MEP1A: variants seen among roughly 807,000 people sequenced by gnomAD.
MEP1A encodes the protein meprin A subunit alpha.
A neutral mutation model predicts 84.5 loss-of-function variants in MEP1A; 68 were observed. The ratio of observed to expected loss-of-function variants is 0.80; its 90% CI spans 0.66 to 0.98. The LOEUF (loss-of-function observed/expected upper bound fraction) is 0.98, where lower values mean the gene tolerates loss of function less well. Among genes scored for constraint, MEP1A ranks in the 50% least tolerant of loss-of-function variants. The pLI is 0.00. For synonymous variants in MEP1A, 337 were observed against 336.8 expected, an observed-to-expected ratio of 1.00 and a Z score of -0.01; for missense variants, 887 against 919.9, an observed-to-expected ratio of 0.96 and a Z score of 0.46.
rs1405450026 is a variant in MEP1A, at chr6:46,821,505, A to G, written c.556+1801A>G. ...GTAGAAGGAAGAAGGAAATGGAGTA[A>G]TAGGTCAAAGGACTGAATCTCTGAT... On this transcript the variant is annotated intron_variant, in intron 7 of 13. Transcript: ENST00000230588. 3.3e-5 allele frequency among the ~76,000 whole-genome samples: 5 copies of G among 152,194 alleles called. No individual in the cohort carries two copies. The East Asian group carries it at 5.8e-4, about 18-fold the overall frequency.
At chr6:46,828,596 G>C (rs190397737) in intron 9 of MEP1A, among the ~76,000 whole-genome samples, 27 of 152,324 alleles carry the variant, frequency 1.8e-4, no homozygotes, top group African/African-American at 5.3e-4. Context: ...CTCTTCATAT[G>C]CAAGAATTTT....
chr6:46,828,236 GTTTTT>G (rs373814374), intron 9 of MEP1A, among the ~76,000 whole-genome samples: 1 of 142,646 alleles, frequency 7.0e-6, no homozygotes, highest in Non-Finnish European at 1.5e-5. Flanking sequence ...CTTGTGCGCT[GTTTTT>G]TTTTTTTTTC....
chr6:46,819,480 C>A (rs140440472), intron 6 of MEP1A, 49 bp from the exon 7 acceptor site: 1 of 1,484,684 alleles, frequency 6.7e-7, no homozygotes, highest in Non-Finnish European at 9.1e-7. Flanking sequence ...TGAATGACAG[C>A]CACTTAAAAA....
rs1767057435 is a variant in MEP1A at position 46,796,720 on chromosome 6, C to T, written c.146-1886C>T. ...GATGTACACTTCTTTGGGAGGTTCTCCCTGCCCCCCATGACTCCATCCATT... is the reference window on the plus strand; with the variant it reads ...GATGTACACTTCTTTGGGAGGTTCTTCCTGCCCCCCATGACTCCATCCATT... On this transcript the variant is annotated intron_variant, in intron 3 of 13. Transcript: ENST00000230588. Among the ~76,000 whole-genome samples, 4 of 152,312 alleles carry T rather than the reference C, an allele frequency of 2.6e-5. No individual in the cohort carries two copies. The South Asian group carries it at 8.3e-4, about 32-fold the overall frequency.
rs1768123404 is a variant in MEP1A, at chr6:46,833,393, G to A, written c.1464G>A (p.Val488=). The part of the protein sequence containing the change: ...SSGYLRLAFH[V]CSGENDAILE... ...GTTACTTGAGACTTGCTTTTCATGT[G>A]TGCAGTGGGGAGAACGATGCTATCC... is the stretch of plus-strand genomic sequence containing the variant. Residue 488 remains valine, a synonymous_variant, in exon 11 of 14, where the codon GTG becomes GTA. Coordinates refer to ENST00000230588, the MANE Select transcript of MEP1A (RefSeq NM_005588.3). The A allele has an allele frequency of 6.2e-7, 1 of 1,614,108 alleles. No individual in the cohort carries two copies. The highest frequency in any genetic ancestry group is 1.1e-5 in the South Asian group (1 of 91,094).
At chr6:46,804,008 G>C (rs973953377) in intron 5 of MEP1A, among the ~76,000 whole-genome samples, 1 of 151,458 alleles carries the variant, frequency 6.6e-6, no homozygotes, top group Admixed American at 6.6e-5. Flanking sequence ...CATAAGTCTC[G>C]CACTATAGTG....
At chr6:46,811,307 T>C (rs2150745892) in intron 6 of MEP1A, among the ~76,000 whole-genome samples, 1 of 152,278 alleles carries the variant, frequency 6.6e-6, no homozygotes, top group African/African-American at 2.4e-5. Flanking sequence ...TACTGATTTG[T>C]GTAAATTAAT....
At chr6:46,795,640 C>A (rs1049021766) in intron 3 of MEP1A, among the ~76,000 whole-genome samples, 2 of 152,140 alleles carry the variant, frequency 1.3e-5, no homozygotes, top group Admixed American at 1.3e-4. Flanking sequence ...GACTTTTCAG[C>A]ACTTTTACTG....
rs1768282522 is a variant in MEP1A, at chr6:46,839,168, G to T, written c.*32G>T. The T allele has an allele frequency of 6.3e-7, 1 of 1,597,112 alleles. No homozygotes were observed. The highest frequency in any genetic ancestry group is 1.3e-5 in the African/African-American group (1 of 74,552). On this transcript the variant is annotated 3_prime_UTR_variant, in exon 14 of 14. Transcript: ENST00000230588. Reference sequence around the variant, plus strand: ...TGCTGGCATTGGCCAGACCACAGCAGCACCTCCTCCATGCAGGCCTTAACT... The same window carrying T: ...TGCTGGCATTGGCCAGACCACAGCATCACCTCCTCCATGCAGGCCTTAACT...
At chr6:46,840,697 T>C (rs1768316472), downstream of MEP1A, among the ~76,000 whole-genome samples, 1 of 152,220 alleles carries the variant, frequency 6.6e-6, no homozygotes. Flanking sequence ...TCCACATGAC[T>C]TTACCACTTA....
chr6:46,819,761 A>T, intron 7 of MEP1A, 57 bp downstream of exon 7: 1 of 1,558,674 alleles, frequency 6.4e-7, no homozygotes, highest in Non-Finnish European at 8.8e-7. Flanking sequence ...CAATCCTGAG[A>T]TGACCAAGCC....
intron 6 of MEP1A, among the ~76,000 whole-genome samples, chr6:46,815,949 T>C (rs1217181097): frequency 6.6e-6 from 1 of 152,140 alleles, no homozygotes; most frequent in Non-Finnish European, 1.5e-5. Flanking sequence ...TATTTATTAT[T>C]TTTTTGAGAC....
At position 46,819,556 on chromosome 6, in the gene MEP1A, T is replaced by C. The variant is rs748773321; in HGVS notation, c.408T>C (p.His136=). 1.2e-6 allele frequency: 2 copies of C among 1,613,262 alleles called. No homozygotes were observed. Among genetic ancestry groups the C allele is most frequent in the African/African-American group, 1.3e-5 (1 of 74,890 alleles). The change falls in exon 7 of 14, where the codon CAT becomes CAC. Residue 136 remains histidine (H), a synonymous_variant. Transcript: ENST00000230588. ...GCTGGTCTGAGGTTGGTGACCAACA[T>C]GTGGGACAGAACATTTCCATTGGCC... The part of the protein sequence containing the change: ...DGCWSEVGDQ[H]VGQNISIGQG...
chr6:46,831,143 C>G (rs1397535486), intron 10 of MEP1A, among the ~76,000 whole-genome samples: 1 of 152,082 alleles, frequency 6.6e-6, no homozygotes. Context: ...GTAGTCTGTT[C>G]TGATACTGGT....
chr6:46,804,903 C>T (rs1767280930), intron 5 of MEP1A, among the ~76,000 whole-genome samples: 1 of 151,728 alleles, frequency 6.6e-6, no homozygotes, highest in Non-Finnish European at 1.5e-5. Context: ...AATTTAACCT[C>T]TTCTAGAATT....
chr6:46,839,117 C>A lies in MEP1A; in HGVS notation c.2222C>A (p.Ser741Tyr). The A allele has an allele frequency of 1.9e-6, 3 of 1,612,646 alleles. No homozygotes were observed. The highest frequency in any genetic ancestry group is 2.2e-5 in the South Asian group (2 of 90,976). Residue 741 changes from serine to tyrosine, a missense_variant, in exon 14 of 14, where the codon TCC (serine) becomes TAC (tyrosine). Coordinates refer to ENST00000230588, the MANE Select transcript of MEP1A (RefSeq NM_005588.3). Reference sequence around the variant, plus strand: ...ACCTTCTCCATCATCGCCATCCTTTCCCAAAGGCCAAGGAAGTGACCTGCC... The same window carrying A: ...ACCTTCTCCATCATCGCCATCCTTTACCAAAGGCCAAGGAAGTGACCTGCC... The part of the protein sequence containing the change: ...FLTFSIIAIL[S>Y]QRPRK
At chr6:46,802,008 A>C (rs927037818) in intron 5 of MEP1A, among the ~76,000 whole-genome samples, 5 of 151,950 alleles carry the variant, frequency 3.3e-5, no homozygotes, top group African/African-American at 1.2e-4. Flanking sequence ...CTAGCTTCAC[A>C]GTTAACCTTG....
chr6:46,830,121 G>A (rs529804051), intron 10 of MEP1A, among the ~76,000 whole-genome samples: 28 of 151,798 alleles, frequency 1.8e-4, no homozygotes, highest in African/African-American at 5.3e-4. Context: ...GGTGGCGCGC[G>A]CGCATGTAGT....
At position 46,833,445 on chromosome 6, in the gene MEP1A, G is replaced by A. The variant is rs780184381; in HGVS notation, c.1516G>A (p.Val506Met). 23 of 1,614,022 alleles carry A rather than the reference G, an allele frequency of 1.4e-5. No homozygotes were observed. Among genetic ancestry groups the A allele is most frequent in the Non-Finnish European group, 1.9e-5 (22 of 1,180,026 alleles). The change falls in exon 11 of 14, where the codon GTG (valine) becomes ATG (methionine). Residue 506 changes from valine to methionine, a missense_variant. Coordinates refer to ENST00000230588, the MANE Select transcript of MEP1A (RefSeq NM_005588.3). ...GGAGTGGCCGGTAGAAAACAGACAGGTGATAATTACCATCCTTGACCAGGA... is the reference window on the plus strand; with the variant it reads ...GGAGTGGCCGGTAGAAAACAGACAGATGATAATTACCATCCTTGACCAGGA... Reference protein sequence around the residue: ...ILEWPVENRQVIITILDQEPD... With the variant: ...ILEWPVENRQMIITILDQEPD...
Sources: allele counts gnomAD v4.1 joint callset (sites outside exome capture counted in the v4.1 genomes callset), GRCh38; gene constraint gnomAD v4.1.1; transcripts MANE v1.5; gene names NCBI Gene and HGNC (gene_info 2026-07-23, HGNC 2026-07-21).